AASDH: variants seen among roughly 807,000 people sequenced by gnomAD.
AASDH encodes aminoadipate-semialdehyde dehydrogenase, also known as beta-alanine-activating enzyme.
A neutral mutation model predicts 102.3 loss-of-function variants in AASDH; 81 were observed. The ratio of observed to expected loss-of-function variants is 0.79; its 90% CI spans 0.66 to 0.95. AASDH has a LOEUF of 0.95. Ranked by LOEUF, AASDH falls within the 40% of genes least tolerant of loss-of-function variation. AASDH has a pLI of 0.00. For missense variants in AASDH, 1,203 were observed against 1,266.2 expected, an observed-to-expected ratio of 0.95 and a Z score of 0.76; for synonymous variants, 398 against 454.0, an observed-to-expected ratio of 0.88 and a Z score of 1.57.
chr4:56,350,272 C>T (rs1178520916), intron 10 of AASDH, among the ~76,000 whole-genome samples: 3 of 152,100 alleles, frequency 2.0e-5, no homozygotes, highest in African/African-American at 7.2e-5. Context: ...CTGGCCAACA[C>T]AGTGAAACCC....
At chr4:56,370,364 GAGAGAGAGAGAGGGAC>G (rs763528479) in intron 5 of AASDH, among the ~76,000 whole-genome samples, 5 of 151,750 alleles carry the variant, frequency 3.3e-5, no homozygotes, top group Non-Finnish European at 7.4e-5. Context: ...AAAAGAAAGA[GAGAGAGAGAGAGGGAC>G]AGAGAGAGAG....
At chr4:56,379,374 C>T (rs1052966101) in intron 3 of AASDH, among the ~76,000 whole-genome samples, 1 of 152,160 alleles carries the variant, frequency 6.6e-6, no homozygotes, top group Non-Finnish European at 1.5e-5. Flanking sequence ...CTCAAATGAT[C>T]TCCTGCCTCA....
intron 5 of AASDH, among the ~76,000 whole-genome samples, chr4:56,359,677 G>A (rs1242662181): frequency 6.6e-6 from 1 of 151,990 alleles, no homozygotes; most frequent in Non-Finnish European, 1.5e-5. Flanking sequence ...TCCTGCCTCA[G>A]CCTCCTCAGT....
chr4:56,349,396 C>A lies in AASDH; in HGVS notation c.2355G>T (p.Val785=). 1 of 1,614,134 alleles carries A rather than the reference C, an allele frequency of 6.2e-7. No individual in the cohort carries two copies. The highest frequency in any genetic ancestry group is 1.6e-4 in the Middle Eastern group (1 of 6,062). The stretch of plus-strand genomic sequence containing the variant: ...TTCTATGAGAATGGGAACCAATGTA[C>A]ACAGTTGTAGATGACTTATCAAAAG... ...IPTFDKSSTT[V]YIGSHSHRMK... The change falls in exon 11 of 15, where the codon GTG becomes GTT. Residue 785 remains valine, a synonymous_variant. Coordinates refer to ENST00000205214, the MANE Select transcript of AASDH (RefSeq NM_181806.4).
At chr4:56,379,532 A>C (rs74937427) in intron 3 of AASDH, among the ~76,000 whole-genome samples, 4 of 151,970 alleles carry the variant, frequency 2.6e-5, no homozygotes, top group Admixed American at 6.6e-5. Context: ...GAGTGGGGGG[A>C]AGTACTTGCT....
intron 5 of AASDH, among the ~76,000 whole-genome samples, chr4:56,363,259 A>G (rs1750547696): frequency 6.6e-6 from 1 of 152,238 alleles, no homozygotes; most frequent in Non-Finnish European, 1.5e-5. Flanking sequence ...GCACAGCTCA[A>G]GGAGGCCTGC....
intron 4 of AASDH, among the ~76,000 whole-genome samples, chr4:56,374,367 CAGAAAAAAAA>C (rs1311376283): frequency 2.2e-4 from 24 of 110,218 alleles, no homozygotes; most frequent in African/African-American, 7.7e-4. Context: ...GACTCTGTCT[CAGAAAAAAAA>C]AAAAAAAAAA....
intron 3 of AASDH, among the ~76,000 whole-genome samples, chr4:56,381,561 G>C (rs957899750): frequency 6.6e-6 from 1 of 150,506 alleles, no homozygotes; most frequent in Non-Finnish European, 1.5e-5. Context: ...CTTCAGCCTG[G>C]GTAACAGAGT....
chr4:56,362,705 A>G (rs1224889288), intron 5 of AASDH, among the ~76,000 whole-genome samples: 5 of 152,246 alleles, frequency 3.3e-5, no homozygotes, highest in Admixed American at 1.3e-4. Context: ...GATGACTTAT[A>G]TATCATTTGA....
chr4:56,371,387 T>G, intron 5 of AASDH, 64 bp downstream of exon 5: 1 of 1,473,792 alleles, frequency 6.8e-7, no homozygotes, highest in South Asian at 1.3e-5. Flanking sequence ...ATACAAAATA[T>G]TCTCTAAAAC....
At position 56,354,741 on chromosome 4, in the gene AASDH, A is replaced by G. The variant is rs139646993; in HGVS notation, c.1174T>C (p.Phe392Leu). 8.5e-5 allele frequency: 136 copies of G among 1,608,926 alleles called. 1 individual carries two copies. The highest frequency in any genetic ancestry group is 1.1e-4 in the Non-Finnish European group (130 of 1,177,850). ...TGGCCACTGCCTTCCTGAATTGTGA[A>G]GCCATTAGTATCTCTGACTTCAACT... is the stretch of plus-strand genomic sequence containing the variant. Reference protein sequence around the residue: ...TVVEVRDTNGFTIQEGSGQVF... With the variant: ...TVVEVRDTNGLTIQEGSGQVF... Residue 392 changes from phenylalanine (F) to leucine (L), a missense_variant, in exon 7 of 15, where the codon TTC (phenylalanine) becomes CTC (leucine). By Grantham distance (22) the Phe-to-Leu change is conservative. Transcript: ENST00000205214.
intron 8 of AASDH, 100 bp downstream of exon 8, chr4:56,353,939 G>T: frequency 9.1e-7 from 1 of 1,093,164 alleles, no homozygotes; most frequent in South Asian, 2.2e-5. Flanking sequence ...ACACAAAAAT[G>T]TCAGGTGTAA....
intron 2 of AASDH, 40 bp downstream of exon 2, chr4:56,384,030 C>T: frequency 6.6e-7 from 1 of 1,526,680 alleles, no homozygotes; most frequent in Non-Finnish European, 9.1e-7. Context: ...TTTACATTAG[C>T]TTGGAGTAAC....
At chr4:56,339,723 C>T (rs1334430587) in intron 14 of AASDH, among the ~76,000 whole-genome samples, 5 of 140,640 alleles carry the variant, frequency 3.6e-5, no homozygotes, top group African/African-American at 1.3e-4. Flanking sequence ...TGCACTCCAC[C>T]CTGGGCGATA....
Position 56,349,523 on chromosome 4 carries a change from T to G in AASDH, c.2228A>C (p.Glu743Ala), listed in dbSNP as rs778918585. ...CTGAGTCCCTATCGCAGGTTTCCCC[T>G]CTTCAGAAACTTTTGCAACACAGGA... ...DPSCVAKVSE[E>A]GKPAIGTQKM... The change falls in exon 11 of 15, where the codon GAG becomes GCG. Residue 743 changes from glutamate (E) to alanine (A), a missense_variant. Physicochemically the swap from Glu to Ala is moderately radical, Grantham distance 107. Transcript: ENST00000205214. 1 of 1,614,222 alleles carries G rather than the reference T, an allele frequency of 6.2e-7. No homozygotes were observed. Among genetic ancestry groups the G allele is most frequent in the Non-Finnish European group, 8.5e-7 (1 of 1,180,026 alleles).
At chr4:56,382,252 T>C (rs768243595) in intron 3 of AASDH, 13 of 392,028 alleles carry the variant, frequency 3.3e-5, no homozygotes, top group Non-Finnish European at 5.4e-5. Context: ...GACTGGGAGG[T>C]GCTACTGAGG....
At chr4:56,348,395 C>T (rs1233078952) in intron 11 of AASDH, among the ~76,000 whole-genome samples, 1 of 151,998 alleles carries the variant, frequency 6.6e-6, no homozygotes, top group Non-Finnish European at 1.5e-5. Context: ...GCTGGGACTA[C>T]AGGCATGTAC....
chr4:56,387,472 C>T lies in AASDH; in HGVS notation c.-153G>A, dbSNP rs1424526775. The stretch of plus-strand genomic sequence containing the variant: ...GCTCCCAGAAGCCGTAAAGCTATCC[C>T]AGAGCGAGGCACCATACGTAAATCT... On this transcript the variant is annotated 5_prime_UTR_variant, in exon 1 of 15. Transcript: ENST00000205214. 6.6e-6 allele frequency: 1 copy of T among 152,258 alleles called. No homozygotes were observed. The highest frequency in any genetic ancestry group is 1.9e-4 in the East Asian group (1 of 5,194). 9.4% of individuals were successfully genotyped at this position (152,258 alleles called of 1,614,324 possible). A position where few individuals can be genotyped will look rare whatever the true frequency, so the allele number is the denominator to read the frequency against.
chr4:56,376,839 G>A (rs925324426), intron 4 of AASDH, among the ~76,000 whole-genome samples: 15 of 151,738 alleles, frequency 9.9e-5, no homozygotes, highest in African/African-American at 3.1e-4. Flanking sequence ...AGGCCGAGGC[G>A]GGCGGATCAC....
Sources: gnomAD v4.1 joint callset for allele counts (sites outside exome capture counted in the v4.1 genomes callset) on GRCh38, gnomAD v4.1.1 for gene constraint, MANE v1.5 for transcripts, NCBI Gene and HGNC (gene_info 2026-07-23, HGNC 2026-07-21) for gene names.